Variants in A2ML1 observed in about 807,000 individuals in gnomAD.
A2ML1 encodes alpha-2-macroglobulin-like protein 1.
In A2ML1, 161 loss-of-function variants were observed where a neutral mutation model predicts 181.9. The observed-to-expected ratio is 0.89, with a 90% CI of 0.78 to 1.01. The LOEUF (loss-of-function observed/expected upper bound fraction) is 1.01. Among genes scored for constraint, A2ML1 ranks in the 50% least tolerant of loss-of-function variants. The pLI, the probability that A2ML1 is intolerant of heterozygous loss-of-function variation, is 0.00. For missense variants in A2ML1, 1,670 were observed against 1,768.1 expected (o/e 0.94, Z 1.00); for synonymous variants, 663 against 666.8 (o/e 0.99, Z 0.09).
At chr12:8,823,142 G>A in intron 1 of A2ML1, 40 bp from the exon 2 acceptor site, 1 of 1,590,232 alleles carries the variant, frequency 6.3e-7, no homozygotes, top group Non-Finnish European at 8.6e-7. Flanking sequence ...TCGAGTGAAT[G>A]AATCATTATT....
intron 3 of A2ML1, among the ~76,000 whole-genome samples, chr12:8,826,063 G>T (rs958225099): frequency 2.6e-5 from 4 of 152,068 alleles, no homozygotes; most frequent in Admixed American, 6.5e-5. Flanking sequence ...AATAGATTTG[G>T]TTATTTTAGG....
At chr12:8,885,023 C>T (rs539413956) in intron 7 of A2ML1, among the ~76,000 whole-genome samples, 2 of 152,056 alleles carry the variant, frequency 1.3e-5, no homozygotes, top group Non-Finnish European at 2.9e-5. Flanking sequence ...ATTTATATTC[C>T]TCTGGGTATA....
At chr12:8,845,226 C>G in intron 12 of A2ML1, 1 of 1,533,222 alleles carries the variant, frequency 6.5e-7, no homozygotes, top group Non-Finnish European at 8.7e-7. Flanking sequence ...CTGCGTGGTT[C>G]TCAGCCAGAC....
chr12:8,833,016 C>T (rs1336830646), intron 4 of A2ML1, among the ~76,000 whole-genome samples: 1 of 144,944 alleles, frequency 6.9e-6, no homozygotes, highest in Admixed American at 7.2e-5. Flanking sequence ...CTGCGTTGCC[C>T]AGGTTGGAGT....
intron 4 of A2ML1, 35 bp from the exon 5 acceptor site, chr12:8,834,627 T>C: frequency 6.2e-7 from 1 of 1,612,236 alleles, no homozygotes; most frequent in Non-Finnish European, 8.5e-7. Flanking sequence ...GCTGTCAACC[T>C]TCTTTAACCC....
rs370026539 is a variant in A2ML1, at chr12:8,834,522, A to G, written c.463-140A>G. On this transcript the variant is annotated intron_variant, in intron 4 of 35. Transcript: ENST00000299698. The stretch of plus-strand genomic sequence containing the variant: ...CCATTGTTATTCTTTTCAGGGCACA[A>G]AAGAGCCATTTAGAAAGGAAGAAAT... 11 of 1,034,588 alleles carry G rather than the reference A, an allele frequency of 1.1e-5. No homozygotes were observed. In the African/African-American group the frequency reaches 1.4e-4, roughly 14 times the overall value. The allele number at this position is 1,034,588 out of a possible 1,614,324, so 64.1% of individuals were successfully genotyped here. A position where few individuals can be genotyped will look rare whatever the true frequency, so the allele number is the denominator to read the frequency against.
Position 8,851,919 on chromosome 12 carries a change from CT to C in A2ML1, c.2373del (p.Phe791LeufsTer4), listed in dbSNP as rs1943905760. The C allele has an allele frequency of 3.7e-6, 6 of 1,614,178 alleles. No individual in the cohort carries two copies. Among genetic ancestry groups the C allele is most frequent in the Non-Finnish European group, 5.1e-6 (6 of 1,180,032 alleles). ...TTGGACTAACTGCTTTCAAGCCGTTCTTTGTTGACCTGACTCTCCCTTACTC... is the reference window on the plus strand; with the variant it reads ...TTGGACTAACTGCTTTCAAGCCGTTCTTGTTGACCTGACTCTCCCTTACTC... ...TVGLTAFKPF[F>X]VDLTLPYSVV... On this transcript the variant is annotated frameshift_variant, in exon 19 of 36. Transcript: ENST00000299698. LOFTEE classifies it high-confidence loss of function.
At chr12:8,874,176 C>T (rs774193142) in intron 33 of A2ML1, among the ~76,000 whole-genome samples, 7 of 151,934 alleles carry the variant, frequency 4.6e-5, no homozygotes, top group East Asian at 1.9e-4. Context: ...CCACCATGCC[C>T]GACTAATTTT....
chr12:8,858,844 TG>T (rs1177481351), intron 26 of A2ML1, among the ~76,000 whole-genome samples: 1 of 152,164 alleles, frequency 6.6e-6, no homozygotes. Context: ...CAAATCCATC[TG>T]GGAAAGCCAT....
Position 8,823,708 on chromosome 12 carries a change from T to C in A2ML1, c.247-12T>C, listed in dbSNP as rs1366340701. 2.5e-6 allele frequency: 4 copies of C among 1,611,882 alleles called. No individual in the cohort carries two copies. Among genetic ancestry groups the C allele is most frequent in the African/African-American group, 2.7e-5 (2 of 74,990 alleles). On this transcript the variant is annotated splice_polypyrimidine_tract_variant and intron_variant, in intron 2 of 35. Transcript: ENST00000299698. ...CCCTTACCCCTCCCCAGAAGTCCCC[T>C]TTCTTGGTCAGGTACCACCTCCTGC...
Position 8,845,516 on chromosome 12 carries a change from CTT to C in A2ML1, c.1537+17_1537+18del. On this transcript the variant is annotated intron_variant, in intron 13 of 35. Coordinates refer to ENST00000299698, the MANE Select transcript of A2ML1 (RefSeq NM_144670.6). Reference sequence around the variant, plus strand: ...CTAAGAAGAAAGGTGAGTGTACATGCTTTTCCCGGAAGCAAACAGGATATTTT... The same window carrying C: ...CTAAGAAGAAAGGTGAGTGTACATGCTTCCCGGAAGCAAACAGGATATTTT... The C allele has an allele frequency of 6.2e-7, 1 of 1,613,914 alleles. No homozygotes were observed. Among genetic ancestry groups the C allele is most frequent in the Non-Finnish European group, 8.5e-7 (1 of 1,179,854 alleles).
At position 8,840,034 on chromosome 12, in the gene A2ML1, A is replaced by G. The variant is rs144157972; in HGVS notation, c.1080+812A>G. On this transcript the variant is annotated intron_variant, in intron 10 of 35. Transcript: ENST00000299698. ...AGTGCTGGGATTACAGGAGTGAGCCACTGTGCCTGACTAGCAATTTTCTTT... is the reference window on the plus strand; with the variant it reads ...AGTGCTGGGATTACAGGAGTGAGCCGCTGTGCCTGACTAGCAATTTTCTTT... Among the ~76,000 whole-genome samples, 933 of 152,272 alleles carry G rather than the reference A, an allele frequency of 6.1e-3. 2 individuals carry two copies. Among genetic ancestry groups the G allele is most frequent in the Non-Finnish European group, 8.0e-3 (546 of 68,016 alleles).
At chr12:8,856,868 C>T (rs142875870) in intron 23 of A2ML1, among the ~76,000 whole-genome samples, 1,695 of 147,944 alleles carry the variant, frequency 0.011, 35 homozygotes, top group African/African-American at 0.04. Context: ...GTTTGATTTA[C>T]TGTGGTCTTC....
intron 5 of A2ML1, 114 bp downstream of exon 5, chr12:8,834,796 ACT>A: frequency 7.3e-7 from 1 of 1,361,060 alleles, no homozygotes; most frequent in Admixed American, 1.9e-5. Flanking sequence ...GAGCCCCATG[ACT>A]CTGCCCAGCA....
downstream of A2ML1, among the ~76,000 whole-genome samples, chr12:8,880,905 A>T (rs1944864647): frequency 6.6e-6 from 1 of 152,190 alleles, no homozygotes; most frequent in Non-Finnish European, 1.5e-5. Flanking sequence ...CTTTTTATGG[A>T]ATATGTGTGA....
At chr12:8,868,173 G>A in intron 30 of A2ML1, 57 bp from the exon 31 acceptor site, 1 of 1,611,910 alleles carries the variant, frequency 6.2e-7, no homozygotes, top group Non-Finnish European at 8.5e-7. Flanking sequence ...AGTTTGAACT[G>A]TACAATCTTT....
chr12:8,859,350 C>T (rs1944178513), intron 26 of A2ML1, among the ~76,000 whole-genome samples: 1 of 151,976 alleles, frequency 6.6e-6, no homozygotes, highest in African/African-American at 2.4e-5. Flanking sequence ...TCTTATTAGT[C>T]TCCCCTAAGT....
At chr12:8,877,612 A>G (rs770725770), downstream of A2ML1, among the ~76,000 whole-genome samples, 3 of 152,224 alleles carry the variant, frequency 2.0e-5, no homozygotes, top group Non-Finnish European at 2.9e-5. Flanking sequence ...TCATCAGAGA[A>G]ATGCAAAATC....
At position 8,874,018 on chromosome 12, in the gene A2ML1, AAT is replaced by A. The variant is rs1491475397; in HGVS notation, c.4222-406_4222-405del. 6.6e-4 allele frequency among the ~76,000 whole-genome samples: 101 copies of A among 151,986 alleles called. 1 individual carries two copies. Among genetic ancestry groups the A allele is most frequent in the African/African-American group, 2.4e-3 (100 of 41,472 alleles). On this transcript the variant is annotated intron_variant, in intron 33 of 35. Transcript: ENST00000299698. The stretch of plus-strand genomic sequence containing the variant: ...AGAATCTTTTTTTAATTAAAAAAAA[AAT>A]TTTTTTTTAATTTGAGATGGAGTCT...
Sources: allele counts gnomAD v4.1 joint callset (sites outside exome capture counted in the v4.1 genomes callset), GRCh38; gene constraint gnomAD v4.1.1; transcripts MANE v1.5; gene names NCBI Gene and HGNC (gene_info 2026-07-23, HGNC 2026-07-21).